Variants in NTN1 observed in about 807,000 individuals in gnomAD.
NTN1 encodes netrin 1, also known as netrin-1.
A neutral mutation model predicts 54.2 loss-of-function variants in NTN1; 11 were observed. That is an observed-to-expected ratio of 0.20 (90% CI 0.13 to 0.34). NTN1 has a LOEUF of 0.34. NTN1 is among the 10% of genes least tolerant of loss of function. The probability of loss-of-function intolerance (pLI) is 1.00; values close to 1 mark genes in which losing one functional copy is unlikely to be tolerated. For missense variants in NTN1, 740 were observed against 893.1 expected (o/e 0.83, Z 2.18); for synonymous variants, 371 against 382.0 (o/e 0.97, Z 0.33).
chr17:9,047,044 A>C (rs2091943462), intron 2 of NTN1, among the ~76,000 whole-genome samples: 1 of 152,224 alleles, frequency 6.6e-6, no homozygotes, highest in African/African-American at 2.4e-5. Context: ...ATTATATCTG[A>C]AACATATACA....
At chr17:9,056,335 G>T (rs961896835) in intron 2 of NTN1, among the ~76,000 whole-genome samples, 3 of 152,214 alleles carry the variant, frequency 2.0e-5, no homozygotes, top group Non-Finnish European at 4.4e-5. Flanking sequence ...GGGATTACTG[G>T]TGTGAGCCAC....
upstream of NTN1, among the ~76,000 whole-genome samples, chr17:9,017,987 G>C (rs1166095576): frequency 2.0e-5 from 3 of 152,186 alleles, no homozygotes; most frequent in Non-Finnish European, 2.9e-5. Context: ...TAGAGGACTG[G>C]TTTCAAGAAT....
chr17:9,232,414 G>C (rs1016115388), intron 6 of NTN1, among the ~76,000 whole-genome samples: 1 of 152,208 alleles, frequency 6.6e-6, no homozygotes, highest in East Asian at 1.9e-4. Context: ...CCTCCCAGGG[G>C]ACAGGGCTGG....
chr17:9,090,165 C>T (rs2092105069), intron 2 of NTN1, among the ~76,000 whole-genome samples: 1 of 143,802 alleles, frequency 7.0e-6, no homozygotes, highest in South Asian at 2.2e-4. Flanking sequence ...CCAAACTCAT[C>T]TTTTTTTTTT....
intron 3 of NTN1, among the ~76,000 whole-genome samples, chr17:9,166,925 G>T (rs1421900440): frequency 6.6e-6 from 1 of 151,460 alleles, no homozygotes; most frequent in African/African-American, 2.4e-5. Flanking sequence ...GACAAGAACA[G>T]CCTGGAGTAA....
At chr17:9,069,601 A>C (rs911614435) in intron 2 of NTN1, among the ~76,000 whole-genome samples, 1 of 152,314 alleles carries the variant, frequency 6.6e-6, no homozygotes, top group South Asian at 2.1e-4. Flanking sequence ...CAAACTTCTC[A>C]GAGTCTTCAC....
intron 2 of NTN1, among the ~76,000 whole-genome samples, chr17:9,063,473 A>T (rs1248304604): frequency 6.6e-6 from 1 of 152,178 alleles, no homozygotes; most frequent in Non-Finnish European, 1.5e-5. Context: ...GTCCAAACTC[A>T]AAGTCAGGAT....
intron 5 of NTN1, among the ~76,000 whole-genome samples, chr17:9,210,225 T>C (rs1410052899): frequency 6.6e-6 from 1 of 151,982 alleles, no homozygotes; most frequent in East Asian, 1.9e-4. Context: ...CTCCTCCTGC[T>C]TGGAACCCTC....
intron 2 of NTN1, among the ~76,000 whole-genome samples, chr17:9,027,338 C>T (rs1488414623): frequency 3.9e-5 from 6 of 152,282 alleles, no homozygotes; most frequent in East Asian, 1.9e-4. Flanking sequence ...ACCGTGACTA[C>T]GCTAATAATA....
chr17:9,229,081 T>TGA (rs1555579227), intron 6 of NTN1, among the ~76,000 whole-genome samples: 2 of 5,496 alleles, frequency 3.6e-4, no homozygotes, highest in Non-Finnish European at 3.0e-4. Context: ...TGTTTGTGAC[T>TGA]GTGTGTGTGA....
intron 2 of NTN1, among the ~76,000 whole-genome samples, chr17:9,151,021 T>C (rs1376226750): frequency 1.3e-5 from 2 of 152,042 alleles, no homozygotes; most frequent in Non-Finnish European, 2.9e-5. Context: ...GCCGCCAGCC[T>C]CTTTGCAGGG....
At chr17:9,121,313 C>T (rs1286347910) in intron 2 of NTN1, among the ~76,000 whole-genome samples, 2 of 152,166 alleles carry the variant, frequency 1.3e-5, no homozygotes, top group Non-Finnish European at 2.9e-5. Flanking sequence ...TCCCCGGCCG[C>T]TCCCTCTCCT....
chr17:9,119,116 G>A (rs950296925), intron 2 of NTN1, among the ~76,000 whole-genome samples: 12 of 152,134 alleles, frequency 7.9e-5, no homozygotes, highest in Admixed American at 3.9e-4. Context: ...CAATGTATGC[G>A]GGTTCTGGTT....
At chr17:9,166,778 A>C (rs972534027) in intron 3 of NTN1, among the ~76,000 whole-genome samples, 1 of 152,108 alleles carries the variant, frequency 6.6e-6, no homozygotes, top group South Asian at 2.1e-4. Flanking sequence ...TTGACTCCCA[A>C]ATTGGCTTGG....
In NTN1 at chr17:9,239,775, A is replaced by C; in HGVS notation, c.1622A>C (p.Asp541Ala). The C allele has an allele frequency of 6.2e-7, 1 of 1,613,770 alleles. No homozygotes were observed. The highest frequency in any genetic ancestry group is 8.5e-7 in the Non-Finnish European group (1 of 1,180,030). The change falls in exon 7 of 7, where the codon GAC (aspartate) becomes GCC (alanine). Residue 541 changes from aspartate (D) to alanine (A), a missense_variant. Transcript: ENST00000173229. This position sits in a 1 kb window ranked among gnomAD's most constrained non-coding sequence, Gnocchi z 5.2. Reference protein sequence around the residue: ...GDQSLWIRSRDIACKCPKIKP... With the variant: ...GDQSLWIRSRAIACKCPKIKP... ...CAGAGCCTGTGGATCCGCTCGCGGG[A>C]CATCGCCTGCAAGTGTCCCAAAATC... is the stretch of plus-strand genomic sequence containing the variant.
At chr17:9,034,810 A>G (rs931092535) in intron 2 of NTN1, among the ~76,000 whole-genome samples, 5 of 152,186 alleles carry the variant, frequency 3.3e-5, no homozygotes, top group African/African-American at 9.7e-5. Context: ...AAGACTATTC[A>G]TGATATGCAC....
At chr17:9,052,869 C>G (rs1481213167) in intron 2 of NTN1, among the ~76,000 whole-genome samples, 1 of 152,234 alleles carries the variant, frequency 6.6e-6, no homozygotes, top group Non-Finnish European at 1.5e-5. Context: ...ACAGAGCCCC[C>G]GGGCAGAGGG....
At position 9,108,366 on chromosome 17, in the gene NTN1, G is replaced by GC. The variant is rs1340813677; in HGVS notation, c.1019-54444dup. ...CCAGGAAGGGGTGCCTCGTACCCTGGCCCTCTCCCTACTGCTTCACATCAA... is the reference window on the plus strand; with the variant it reads ...CCAGGAAGGGGTGCCTCGTACCCTGGCCCCTCTCCCTACTGCTTCACATCAA... On this transcript the variant is annotated intron_variant, in intron 2 of 6. Coordinates refer to ENST00000173229, the MANE Select transcript of NTN1 (RefSeq NM_004822.3). Among the ~76,000 whole-genome samples the GC allele has an allele frequency of 5.3e-5, 8 of 152,210 alleles. No homozygotes were observed. The South Asian group carries it at 1.7e-3, about 32-fold the overall frequency.
At chr17:9,079,957 GT>G (rs1233377154) in intron 2 of NTN1, among the ~76,000 whole-genome samples, 3 of 151,370 alleles carry the variant, frequency 2.0e-5, no homozygotes, top group Non-Finnish European at 4.4e-5. Context: ...CAAGGAAGTG[GT>G]TCCCCAGCAG....
Sources: gnomAD v4.1 joint callset for allele counts (sites outside exome capture counted in the v4.1 genomes callset) on GRCh38, gnomAD v4.1.1 for gene constraint, Gnocchi (gnomAD v3.1) non-coding constraint, MANE v1.5 for transcripts, NCBI Gene and HGNC (gene_info 2026-07-23, HGNC 2026-07-21) for gene names.